LRRC9: variants seen among roughly 807,000 people sequenced by gnomAD.
LRRC9 encodes leucine-rich repeat-containing protein 9.
In LRRC9, 122 loss-of-function variants were observed where a neutral mutation model predicts 63.2. That is an observed-to-expected ratio of 1.93 (90% CI 1.67 to 2.24). The LOEUF is 2.24. LRRC9 is among the 30% of genes most tolerant of loss of function. The pLI is 0.00. For missense variants in LRRC9, 1,071 were observed against 627.7 expected (o/e 1.71, Z -7.55); for synonymous variants, 366 against 213.1 (o/e 1.72, Z -6.25).
At chr14:60,048,173 T>G (rs1210406906) in intron 29 of LRRC9, among the ~76,000 whole-genome samples, 1 of 152,078 alleles carries the variant, frequency 6.6e-6, no homozygotes, top group African/African-American at 2.4e-5. Flanking sequence ...TAGCACTAAA[T>G]GCCCACATCA....
intron 14 of LRRC9, 21 bp downstream of exon 14, chr14:59,977,368 A>G: frequency 1.5e-6 from 1 of 662,620 alleles, no homozygotes; most frequent in South Asian, 1.7e-5. Flanking sequence ...CATAAAGATT[A>G]ATGTGGTTTT....
chr14:59,949,158 A>G (rs561478160), intron 8 of LRRC9, among the ~76,000 whole-genome samples: 24 of 143,986 alleles, frequency 1.7e-4, no homozygotes, highest in Admixed American at 3.5e-4. Flanking sequence ...TTTGGTTGGT[A>G]AACTATTGAT....
intron 29 of LRRC9, among the ~76,000 whole-genome samples, chr14:60,038,041 G>T (rs566180184): frequency 4.6e-5 from 7 of 152,272 alleles, no homozygotes; most frequent in South Asian, 2.1e-4. Context: ...CCCATTGCTT[G>T]TTTTTGTCTG....
chr14:59,964,566 G>A lies in LRRC9; in HGVS notation c.1212-2023G>A, dbSNP rs1884645475. On this transcript the variant is annotated intron_variant, in intron 10 of 31. Coordinates refer to ENST00000445360, the Ensembl canonical transcript of LRRC9. The surrounding 1 kb of genome is among the most constrained non-coding windows in gnomAD (Gnocchi z 4.4). ...CATTCCTTCCACCCATTCATGAGAC[G>A]CCTCAAGCCCAATATCCCCTATATA... is the stretch of plus-strand genomic sequence containing the variant. Among the ~76,000 whole-genome samples the A allele has an allele frequency of 6.6e-6, 1 of 152,098 alleles. No homozygotes were observed. Among genetic ancestry groups the A allele is most frequent in the South Asian group, 2.1e-4 (1 of 4,826 alleles).
rs1889102352 is a variant in LRRC9 at position 59,999,087 on chromosome 14, T to G, written c.2404-14T>G. The stretch of plus-strand genomic sequence containing the variant: ...TAACAGTTTATAAAAAATTTTTTTT[T>G]TGTTTTTCCCAAGCCAGCCACATTG... On this transcript the variant is annotated splice_polypyrimidine_tract_variant and intron_variant, in intron 18 of 31. Transcript: ENST00000445360. 1 of 639,344 alleles carries G rather than the reference T, an allele frequency of 1.6e-6. No homozygotes were observed. Among genetic ancestry groups the G allele is most frequent in the African/African-American group, 1.8e-5 (1 of 54,112 alleles). The allele number at this position is 639,344 out of a possible 1,614,324, so 39.6% of individuals were successfully genotyped here.
chr14:59,979,256 A>C (rs1886649003), intron 15 of LRRC9, among the ~76,000 whole-genome samples: 1 of 152,160 alleles, frequency 6.6e-6, no homozygotes, highest in African/African-American at 2.4e-5. Context: ...AAAAATTTAA[A>C]AAATTAAAAA....
intron 29 of LRRC9, among the ~76,000 whole-genome samples, chr14:60,048,459 T>A (rs1893618285): frequency 6.6e-6 from 1 of 151,982 alleles, no homozygotes; most frequent in Admixed American, 6.6e-5. Flanking sequence ...AAGGGGAATA[T>A]CACCACTGAC....
rs201257508 is a variant in LRRC9, at chr14:60,016,209, TA to T, written c.3187-443del. 3.2e-3 allele frequency among the ~76,000 whole-genome samples: 483 copies of T among 152,084 alleles called. 4 individuals carry two copies. The highest frequency in any genetic ancestry group is 0.011 in the African/African-American group (460 of 41,502). ...TATGTTTGGTTTTAATTTCTTTAAT[TA>T]AAAAAAATTTTTAGAGACAGGATCT... On this transcript the variant is annotated intron_variant, in intron 23 of 31. Coordinates refer to ENST00000445360, the Ensembl canonical transcript of LRRC9.
chr14:60,029,356 A>C (rs140960335), intron 28 of LRRC9, among the ~76,000 whole-genome samples: 145 of 152,234 alleles, frequency 9.5e-4, no homozygotes, highest in African/African-American at 3.4e-3. Context: ...TGAGGTCTTC[A>C]AGTGAGATTC....
intron 23 of LRRC9, among the ~76,000 whole-genome samples, chr14:60,015,003 G>A (rs1172884546): frequency 6.6e-6 from 1 of 151,880 alleles, no homozygotes; most frequent in Non-Finnish European, 1.5e-5. Context: ...TTCATACTGG[G>A]TAATGTCTAT....
At chr14:59,952,199 G>A (rs1280018917) in intron 8 of LRRC9, among the ~76,000 whole-genome samples, 26 of 151,760 alleles carry the variant, frequency 1.7e-4, no homozygotes, top group Non-Finnish European at 3.1e-4. Flanking sequence ...ATATAGTCTC[G>A]TGGTGCGCCG....
chr14:59,935,623 TCA>T (rs1437140695), intron 6 of LRRC9, among the ~76,000 whole-genome samples: 1 of 152,208 alleles, frequency 6.6e-6, no homozygotes, highest in Non-Finnish European at 1.5e-5. Flanking sequence ...AACATTAAAT[TCA>T]GAGTGCTGTG....
At position 59,964,699 on chromosome 14, in the gene LRRC9, G is replaced by A. The variant is rs1021573565; in HGVS notation, c.1212-1890G>A. Among the ~76,000 whole-genome samples, 2 of 152,164 alleles carry A rather than the reference G, an allele frequency of 1.3e-5. No individual in the cohort carries two copies. The highest frequency in any genetic ancestry group is 2.9e-5 in the Non-Finnish European group (2 of 68,020). On this transcript the variant is annotated intron_variant, in intron 10 of 31. Transcript: ENST00000445360. This position sits in a 1 kb window ranked among gnomAD's most constrained non-coding sequence, Gnocchi z 4.4. ...TTTGACAGATTTAGGCCCAGCAAAT[G>A]ATCCCTCTATAGGAGGGGCAGTAGC... is the stretch of plus-strand genomic sequence containing the variant.
intron 22 of LRRC9, among the ~76,000 whole-genome samples, chr14:60,007,781 A>G (rs1351827426): frequency 1.3e-5 from 2 of 152,150 alleles, no homozygotes; most frequent in East Asian, 3.9e-4. Flanking sequence ...CTTGCACTTA[A>G]AAGTGCACTG....
intron 18 of LRRC9, 120 bp downstream of exon 18, chr14:59,997,967 C>T (rs1174661283): frequency 1.8e-6 from 1 of 562,744 alleles, no homozygotes; most frequent in Non-Finnish European, 3.1e-6. Context: ...TTCTAGACTT[C>T]CTTCCTTGAA....
At chr14:60,046,220 T>C (rs1893413071) in intron 29 of LRRC9, among the ~76,000 whole-genome samples, 1 of 152,212 alleles carries the variant, frequency 6.6e-6, no homozygotes, top group South Asian at 2.1e-4. Context: ...ATTCTGTAGG[T>C]TGCCTGTGCA....
intron 29 of LRRC9, among the ~76,000 whole-genome samples, chr14:60,040,335 G>A (rs1892837898): frequency 6.6e-6 from 1 of 151,860 alleles, no homozygotes; most frequent in Non-Finnish European, 1.5e-5. Context: ...CTGTCTCGTT[G>A]ATCTGTCTAA....
At chr14:59,933,331 G>A (rs945788909) in intron 6 of LRRC9, among the ~76,000 whole-genome samples, 3 of 152,068 alleles carry the variant, frequency 2.0e-5, no homozygotes, top group African/African-American at 4.8e-5. Flanking sequence ...CTTCATTGCT[G>A]TATCCACAAT....
chr14:60,028,053 A>G (rs931084700), exon 28 of LRRC9: 28 of 701,676 alleles, frequency 4.0e-5, no homozygotes, highest in African/African-American at 2.6e-4. Flanking sequence ...GCAAATTACA[A>G]TCTTTGGTAA....
Sources: gnomAD v4.1 joint callset for allele counts (sites outside exome capture counted in the v4.1 genomes callset) on GRCh38, gnomAD v4.1.1 for gene constraint, Gnocchi (gnomAD v3.1) non-coding constraint, MANE v1.5 for transcripts, NCBI Gene and HGNC (gene_info 2026-07-23, HGNC 2026-07-21) for gene names.